Variants in FA2H observed in about 807,000 individuals in gnomAD.
FA2H encodes fatty acid 2-hydroxylase.
Under a neutral mutation model 44.9 loss-of-function variants are expected in FA2H, and 22 were observed. The ratio of observed to expected loss-of-function variants is 0.49; its 90% confidence interval spans 0.35 to 0.70. The LOEUF (loss-of-function observed/expected upper bound fraction) is 0.70, where lower values mean the gene tolerates loss of function less well. Among genes scored for constraint, FA2H ranks in the 30% least tolerant of loss-of-function variants. The pLI, the probability that FA2H is intolerant of heterozygous loss-of-function variation, is 0.01. For synonymous variants in FA2H, 243 were observed against 213.2 expected, an observed-to-expected ratio of 1.14 and a Z score of -1.22; for missense variants, 501 against 504.9, an observed-to-expected ratio of 0.99 and a Z score of 0.07.
intron 1 of FA2H, among the ~76,000 whole-genome samples, chr16:74,743,612 G>A (rs1318482192): frequency 6.6e-6 from 1 of 152,204 alleles, no homozygotes; most frequent in Non-Finnish European, 1.5e-5. Context: ...CCCTCTCTAT[G>A]GAGGCTGAGG....
intron 1 of FA2H, among the ~76,000 whole-genome samples, chr16:74,747,384 A>T (rs1567645222): frequency 6.6e-6 from 1 of 152,086 alleles, no homozygotes; most frequent in Non-Finnish European, 1.5e-5. Flanking sequence ...AGGGGTAAGG[A>T]ATCACAGTAG....
intron 1 of FA2H, among the ~76,000 whole-genome samples, chr16:74,757,440 T>C (rs1220150687): frequency 1.3e-5 from 2 of 152,198 alleles, no homozygotes; most frequent in African/African-American, 4.8e-5. Context: ...GCACTATCTA[T>C]TAAAATATAA....
intron 1 of FA2H, among the ~76,000 whole-genome samples, chr16:74,756,627 A>T (rs372517546): frequency 6.6e-6 from 1 of 152,170 alleles, no homozygotes; most frequent in Non-Finnish European, 1.5e-5. Context: ...GCAAATGGCT[A>T]AAACCTAATA....
At chr16:74,739,658 C>G (rs1400173570) in intron 2 of FA2H, among the ~76,000 whole-genome samples, 1 of 151,074 alleles carries the variant, frequency 6.6e-6, no homozygotes, top group East Asian at 1.9e-4. Context: ...GTGCCAGGGG[C>G]AGCTCTACCT....
intron 3 of FA2H, 107 bp from the exon 4 acceptor site, chr16:74,726,438 G>T (rs1961958595): frequency 1.1e-5 from 8 of 732,208 alleles, no homozygotes; most frequent in South Asian, 1.1e-4. Flanking sequence ...GCCCAGGCTG[G>T]AGTGCAATGG....
At chr16:74,749,903 G>A (rs1429022077) in intron 1 of FA2H, among the ~76,000 whole-genome samples, 1 of 152,216 alleles carries the variant, frequency 6.6e-6, no homozygotes, top group Non-Finnish European at 1.5e-5. Context: ...GGGATCTGGA[G>A]AGGCCCCCAG....
chr16:74,737,897 C>A (rs1485446177), intron 2 of FA2H, among the ~76,000 whole-genome samples: 3 of 152,210 alleles, frequency 2.0e-5, no homozygotes, highest in African/African-American at 7.2e-5. Flanking sequence ...CAGGTTGGAG[C>A]ACCGCGGGCT....
rs1261984892 is a variant in FA2H, at chr16:74,747,733, G to A, written c.271-7618C>T. Reference sequence around the variant, plus strand: ...AGGGCTGGAAGGACTGCCCCTCAATGTCCTCAGAAGGAACCAACCCTGCCA... The same window carrying A: ...AGGGCTGGAAGGACTGCCCCTCAATATCCTCAGAAGGAACCAACCCTGCCA... On this transcript the variant is annotated intron_variant, in intron 1 of 6. Transcript: ENST00000219368. Among the ~76,000 whole-genome samples the A allele has an allele frequency of 2.6e-5, 4 of 152,074 alleles. No homozygotes were observed. The East Asian group carries it at 7.7e-4, about 29-fold the overall frequency.
chr16:74,772,677 C>T (rs1181160374), intron 1 of FA2H, among the ~76,000 whole-genome samples: 1 of 152,176 alleles, frequency 6.6e-6, no homozygotes, highest in Non-Finnish European at 1.5e-5. Flanking sequence ...AAGCAGGGGA[C>T]AATTGTTGGT....
At chr16:74,756,615 A>T (rs1397518245) in intron 1 of FA2H, among the ~76,000 whole-genome samples, 2 of 152,238 alleles carry the variant, frequency 1.3e-5, no homozygotes, top group Middle Eastern at 3.4e-3. Flanking sequence ...AGGAGGAAAA[A>T]CGCAAATGGC....
intron 2 of FA2H, among the ~76,000 whole-genome samples, chr16:74,737,777 G>A (rs1001491277): frequency 9.2e-5 from 14 of 152,074 alleles, no homozygotes; most frequent in Non-Finnish European, 1.6e-4. Flanking sequence ...GGGGACCCTC[G>A]GCTGAGACAA....
chr16:74,744,111 C>G (rs575077349), intron 1 of FA2H, among the ~76,000 whole-genome samples: 1 of 152,132 alleles, frequency 6.6e-6, no homozygotes, highest in South Asian at 2.1e-4. Context: ...CTGTGCCGCA[C>G]GCATGCCACA....
rs1471422962 is a variant in FA2H at position 74,726,347 on chromosome 16, C to T, written c.507-16G>A. 8 of 1,533,490 alleles carry T rather than the reference C, an allele frequency of 5.2e-6. No homozygotes were observed. Among genetic ancestry groups the T allele is most frequent in the Non-Finnish European group, 6.3e-6 (7 of 1,107,140 alleles). The allele number at this position is 1,533,490 out of a possible 1,614,324, so 95.0% of individuals were successfully genotyped here. A position where few individuals can be genotyped will look rare whatever the true frequency, so the allele number is the denominator to read the frequency against. Reference sequence around the variant, plus strand: ...GACACTGTACCTGCAGGAAGGCCATCAGGGTGAGAGAGATACATGCACAGG... The same window carrying T: ...GACACTGTACCTGCAGGAAGGCCATTAGGGTGAGAGAGATACATGCACAGG... On this transcript the variant is annotated splice_polypyrimidine_tract_variant and intron_variant, in intron 3 of 6. Transcript: ENST00000219368.
intron 1 of FA2H, among the ~76,000 whole-genome samples, chr16:74,753,754 G>T (rs1312514199): frequency 6.6e-6 from 1 of 152,116 alleles, no homozygotes; most frequent in Non-Finnish European, 1.5e-5. Flanking sequence ...TTTTTCTTCT[G>T]TCCTTATCCT....
rs548696752 is a variant in FA2H at position 74,720,716 on chromosome 16, C to T, written c.614-1556G>A. Among the ~76,000 whole-genome samples the T allele has an allele frequency of 9.2e-5, 14 of 152,300 alleles. No individual in the cohort carries two copies. The East Asian group carries it at 2.7e-3, about 29-fold the overall frequency. On this transcript the variant is annotated intron_variant, in intron 4 of 6. Transcript: ENST00000219368. The stretch of plus-strand genomic sequence containing the variant: ...ATCACTTCCCCGCCAAGCCCCTGTA[C>T]CCATTAGCAGCCACTCCCCATTTCT...
intron 1 of FA2H, among the ~76,000 whole-genome samples, chr16:74,755,638 A>T (rs1047846007): frequency 2.0e-5 from 3 of 152,196 alleles, no homozygotes; most frequent in African/African-American, 7.2e-5. Context: ...ACATTTTGTT[A>T]GGAAAATTTC....
intron 1 of FA2H, among the ~76,000 whole-genome samples, chr16:74,755,177 G>T (rs1219938356): frequency 6.6e-6 from 1 of 150,972 alleles, no homozygotes; most frequent in Non-Finnish European, 1.5e-5. Flanking sequence ...TTTTGGCAGG[G>T]CTGGGGGGTG....
At chr16:74,730,380 C>T (rs1480883198) in intron 2 of FA2H, among the ~76,000 whole-genome samples, 3 of 152,158 alleles carry the variant, frequency 2.0e-5, no homozygotes, top group Non-Finnish European at 2.9e-5. Context: ...GGAGCTATCC[C>T]GCCCTGGCAC....
chr16:74,772,561 T>G (rs1962929697), intron 1 of FA2H, among the ~76,000 whole-genome samples: 1 of 152,176 alleles, frequency 6.6e-6, no homozygotes, highest in Admixed American at 6.5e-5. Context: ...ATGGAGAAAT[T>G]AGGCAGGATG....
Sources: allele counts gnomAD v4.1 joint callset (sites outside exome capture counted in the v4.1 genomes callset), GRCh38; gene constraint gnomAD v4.1.1; transcripts MANE v1.5; gene names NCBI Gene and HGNC (gene_info 2026-07-23, HGNC 2026-07-21).